Variants in LRRC3B observed in about 807,000 individuals in gnomAD.
LRRC3B encodes the protein leucine rich repeat containing 3B.
In LRRC3B, 2 loss-of-function variants were observed where a neutral mutation model predicts 12.8. The ratio of observed to expected loss-of-function variants is 0.16; its 90% CI spans 0.06 to 0.49. The LOEUF is 0.49. Ranked by LOEUF, LRRC3B falls within the 20% of genes least tolerant of loss-of-function variation. The pLI, the probability that LRRC3B is intolerant of heterozygous loss-of-function variation, is 0.96. For synonymous variants in LRRC3B, 132 were observed against 122.0 expected, an observed-to-expected ratio of 1.08 and a Z score of -0.54; for missense variants, 189 against 319.4, an observed-to-expected ratio of 0.59 and a Z score of 3.11.
chr3:26,670,792 G>A (rs1699703723), intron 1 of LRRC3B, among the ~76,000 whole-genome samples: 2 of 152,074 alleles, frequency 1.3e-5, no homozygotes, highest in South Asian at 4.1e-4. Flanking sequence ...TTAGGAAAAT[G>A]GAAAGCAATA....
At chr3:26,672,349 G>A (rs936368293) in intron 1 of LRRC3B, among the ~76,000 whole-genome samples, 1 of 152,188 alleles carries the variant, frequency 6.6e-6, no homozygotes, top group Non-Finnish European at 1.5e-5. Context: ...TTATTCCTCA[G>A]TTGGTAGCTC....
intron 1 of LRRC3B, among the ~76,000 whole-genome samples, chr3:26,706,621 A>G (rs1340970619): frequency 6.6e-6 from 1 of 152,222 alleles, no homozygotes; most frequent in African/African-American, 2.4e-5. Flanking sequence ...AAAGACTGCA[A>G]TCTGAGTAGA....
chr3:26,700,821 G>A (rs904791393), intron 1 of LRRC3B, among the ~76,000 whole-genome samples: 9 of 152,282 alleles, frequency 5.9e-5, no homozygotes, highest in Non-Finnish European at 1.3e-4. Context: ...TCATTTAGCT[G>A]TAGTTACCAT....
intron 1 of LRRC3B, among the ~76,000 whole-genome samples, chr3:26,695,929 C>T (rs772547447): frequency 6.6e-6 from 1 of 152,204 alleles, no homozygotes; most frequent in Non-Finnish European, 1.5e-5. Flanking sequence ...CAGCTCTGCA[C>T]AGTTTAACTT....
chr3:26,636,845 C>T (rs1698888115), intron 1 of LRRC3B, among the ~76,000 whole-genome samples: 1 of 92,344 alleles, frequency 1.1e-5, no homozygotes, highest in Non-Finnish European at 2.0e-5. Flanking sequence ...TCCCTGCCTC[C>T]CTCCCTCCCT....
intron 1 of LRRC3B, among the ~76,000 whole-genome samples, chr3:26,676,499 C>T (rs1348073780): frequency 6.6e-6 from 1 of 151,804 alleles, no homozygotes; most frequent in Non-Finnish European, 1.5e-5. Context: ...GGACCATAAT[C>T]ACTGGCCATC....
At chr3:26,699,509 G>C (rs1338380319) in intron 1 of LRRC3B, among the ~76,000 whole-genome samples, 1 of 152,132 alleles carries the variant, frequency 6.6e-6, no homozygotes, top group Admixed American at 6.5e-5. Flanking sequence ...TCTCAATCCT[G>C]TGTTTTTCCC....
At chr3:26,645,150 A>C (rs1249097731) in intron 1 of LRRC3B, among the ~76,000 whole-genome samples, 1 of 152,210 alleles carries the variant, frequency 6.6e-6, no homozygotes, top group African/African-American at 2.4e-5. Context: ...AACTTTTCAA[A>C]TTAATAGTTG....
intron 1 of LRRC3B, among the ~76,000 whole-genome samples, chr3:26,640,406 C>A (rs17018438): frequency 0.035 from 5,117 of 145,918 alleles, 168 homozygotes; most frequent in East Asian, 0.14. Context: ...CTCCCTAAGT[C>A]ATTGTTATGC....
At chr3:26,681,078 T>G (rs1699961809) in intron 1 of LRRC3B, among the ~76,000 whole-genome samples, 2 of 152,148 alleles carry the variant, frequency 1.3e-5, no homozygotes, top group African/African-American at 4.8e-5. Context: ...AAAAGTAGAT[T>G]TTGAGGGAGG....
At chr3:26,704,942 T>C (rs377608374) in intron 1 of LRRC3B, among the ~76,000 whole-genome samples, 114 of 152,338 alleles carry the variant, frequency 7.5e-4, no homozygotes, top group African/African-American at 2.6e-3. Flanking sequence ...TTAATCAAAT[T>C]CTGCTGTTTA....
At chr3:26,690,984 T>G (rs1700176474) in intron 1 of LRRC3B, among the ~76,000 whole-genome samples, 1 of 151,004 alleles carries the variant, frequency 6.6e-6, no homozygotes, top group Non-Finnish European at 1.5e-5. Context: ...TTCTGTCATT[T>G]TCTTTAGGGA....
At chr3:26,674,003 T>C (rs1261338024) in intron 1 of LRRC3B, among the ~76,000 whole-genome samples, 5 of 152,340 alleles carry the variant, frequency 3.3e-5, no homozygotes, top group East Asian at 1.9e-4. Context: ...AAGAAACACA[T>C]AGGCTTGTCA....
At chr3:26,638,496 A>C (rs542686157) in intron 1 of LRRC3B, among the ~76,000 whole-genome samples, 1 of 152,324 alleles carries the variant, frequency 6.6e-6, no homozygotes, top group East Asian at 1.9e-4. Flanking sequence ...CAGACCCTCA[A>C]GTTATAAACT....
chr3:26,708,507 G>T (rs915661789), intron 1 of LRRC3B, among the ~76,000 whole-genome samples: 14 of 151,862 alleles, frequency 9.2e-5, no homozygotes, highest in Non-Finnish European at 1.6e-4. Context: ...TTTGACCTTG[G>T]GTAAGTAACC....
intron 1 of LRRC3B, among the ~76,000 whole-genome samples, chr3:26,642,952 G>T (rs1295051778): frequency 2.0e-5 from 3 of 149,612 alleles, no homozygotes; most frequent in African/African-American, 7.5e-5. Context: ...AGGAGGCAGA[G>T]GTTGCAGAGA....
chr3:26,646,728 C>T (rs1699159073), intron 1 of LRRC3B, among the ~76,000 whole-genome samples: 1 of 150,104 alleles, frequency 6.7e-6, no homozygotes, highest in African/African-American at 2.4e-5. Flanking sequence ...GTGGAGGATG[C>T]AAAATATTAA....
chr3:26,664,491 C>A (rs1164953317), intron 1 of LRRC3B, among the ~76,000 whole-genome samples: 2 of 152,086 alleles, frequency 1.3e-5, no homozygotes, highest in Non-Finnish European at 2.9e-5. Flanking sequence ...GATGCCAGAT[C>A]ACCAGACTGT....
At chr3:26,667,186 A>G (rs1310600778) in intron 1 of LRRC3B, among the ~76,000 whole-genome samples, 2 of 149,728 alleles carry the variant, frequency 1.3e-5, no homozygotes, top group Admixed American at 1.3e-4. Context: ...AGCCCCTGGG[A>G]GATTTGATGA....
Sources: allele counts gnomAD v4.1 joint callset (sites outside exome capture counted in the v4.1 genomes callset), GRCh38; gene constraint gnomAD v4.1.1; transcripts MANE v1.5; gene names NCBI Gene and HGNC (gene_info 2026-07-23, HGNC 2026-07-21).